The following DMD variants were observed in gnomAD, a reference collection of about 807,000 sequenced individuals.
The protein encoded by DMD is dystrophin.
DMD carries 63 observed loss-of-function variants against 330.1 expected under a neutral mutation model. The observed-to-expected ratio is 0.19, with a 90% CI of 0.16 to 0.24. The LOEUF is 0.24. Ranked by LOEUF, DMD falls within the 10% of genes least tolerant of loss-of-function variation. The pLI, the probability that DMD is intolerant of heterozygous loss-of-function variation, is 1.00. For synonymous variants in DMD, 1,223 were observed against 959.8 expected, an observed-to-expected ratio of 1.27 and a Z score of -5.07; for missense variants, 3,344 against 2,684.1, an observed-to-expected ratio of 1.25 and a Z score of -5.43.
rs769750574 is a variant in DMD at position 33,105,842 on chromosome X, C to T, written c.32-85642G>A. ...TGCTGGTGGAAGTGTAAATTAATACCTCTCTGGAAAACAGTATGGAGATTT... is the reference window on the plus strand; with the variant it reads ...TGCTGGTGGAAGTGTAAATTAATACTTCTCTGGAAAACAGTATGGAGATTT... On this transcript the variant is annotated intron_variant, in intron 1 of 78. Coordinates refer to ENST00000357033, the MANE Select transcript of DMD (RefSeq NM_004006.3). 3.6e-5 allele frequency among the ~76,000 whole-genome samples: 4 copies of T among 111,428 alleles called. No homozygotes were observed. The South Asian group carries it at 1.1e-3, about 31-fold the overall frequency.
At chrX:32,509,596 G>C (rs1380086070) in intron 18 of DMD, among the ~76,000 whole-genome samples, 1 of 111,725 alleles carries the variant, frequency 9.0e-6, no homozygotes, top group Non-Finnish European at 1.9e-5. Flanking sequence ...GCTCTTATCA[G>C]TCTCACCATT....
chrX:31,344,688 A>G (rs372914757), intron 61 of DMD, among the ~76,000 whole-genome samples: 1 of 110,628 alleles, frequency 9.0e-6, no homozygotes, highest in African/African-American at 3.3e-5. Context: ...GTCTCTACTA[A>G]AAATACAAAA....
intron 44 of DMD, among the ~76,000 whole-genome samples, chrX:32,103,679 G>A (rs751702293): frequency 1.8e-5 from 2 of 111,928 alleles, no homozygotes; most frequent in Non-Finnish European, 3.8e-5. Flanking sequence ...ATCAGACCAC[G>A]ACTCTTCCTG....
At chrX:31,849,482 C>T (rs1287952492) in intron 48 of DMD, among the ~76,000 whole-genome samples, 4 of 110,196 alleles carry the variant, frequency 3.6e-5, no homozygotes, top group Admixed American at 9.8e-5. Context: ...AGGGGATGGA[C>T]GGCAGAGAGA....
intron 9 of DMD, among the ~76,000 whole-genome samples, chrX:32,686,368 G>A (rs1451908084): frequency 3.6e-5 from 4 of 109,669 alleles, no homozygotes; most frequent in African/African-American, 1.3e-4. Context: ...GACCAGCCTG[G>A]CCAAAATGGG....
chrX:31,551,117 T>C (rs1005881568), intron 55 of DMD, among the ~76,000 whole-genome samples: 6 of 102,907 alleles, frequency 5.8e-5, no homozygotes, highest in African/African-American at 2.3e-4. Context: ...GAGGTGGAGG[T>C]TGCAGTGAGC....
At chrX:31,776,484 T>C (rs1314272521) in intron 50 of DMD, among the ~76,000 whole-genome samples, 1 of 106,678 alleles carries the variant, frequency 9.4e-6, no homozygotes, top group Non-Finnish European at 1.9e-5. Flanking sequence ...TTCAATAAAG[T>C]GAAGGATGAG....
intron 52 of DMD, among the ~76,000 whole-genome samples, chrX:31,719,871 T>C (rs1353749643): frequency 1.8e-5 from 2 of 111,524 alleles, no homozygotes; most frequent in East Asian, 5.6e-4. Context: ...TAACTCACTG[T>C]GAAAGTGAAT....
chrX:32,635,648 T>C (rs772669197), intron 11 of DMD, among the ~76,000 whole-genome samples: 32 of 112,108 alleles, frequency 2.9e-4, no homozygotes, highest in Non-Finnish European at 5.4e-4. Context: ...CATATGCACA[T>C]AGTTTTTTGT....
rs184514404 is a variant in DMD, at chrX:32,200,463, T to A, written c.6438+16453A>T. 6.5e-3 allele frequency among the ~76,000 whole-genome samples: 678 copies of A among 104,512 alleles called. 7 individuals carry two copies. The highest frequency in any genetic ancestry group is 0.023 in the African/African-American group (657 of 29,144). The allele number at this position is 104,512 out of a possible 115,157, so 90.8% of individuals were successfully genotyped here. A position where few individuals can be genotyped will look rare whatever the true frequency, so the allele number is the denominator to read the frequency against. ...GCAAGCACACATGTAACAATACATA[T>A]GTAACGTGTTATATATGTAACACGT... is the stretch of plus-strand genomic sequence containing the variant. On this transcript the variant is annotated intron_variant, in intron 44 of 78. Transcript: ENST00000357033.
chrX:32,719,024 C>T (rs2065998458), intron 7 of DMD, among the ~76,000 whole-genome samples: 1 of 111,553 alleles, frequency 9.0e-6, no homozygotes, highest in Non-Finnish European at 1.9e-5. Flanking sequence ...TAGTCTGATT[C>T]AATTACCTAC....
At chrX:32,362,029 C>T (rs963431910) in intron 37 of DMD, among the ~76,000 whole-genome samples, 4 of 111,494 alleles carry the variant, frequency 3.6e-5, no homozygotes, top group African/African-American at 1.3e-4. Flanking sequence ...TTTTTGCAAA[C>T]TACTTATTAA....
intron 1 of DMD, among the ~76,000 whole-genome samples, chrX:33,172,328 AGT>A (rs1468711879): frequency 8.9e-6 from 1 of 111,802 alleles, no homozygotes; most frequent in Non-Finnish European, 1.9e-5. Context: ...TACCATAATA[AGT>A]TTTTATTTAC....
At chrX:32,735,947 A>T (rs1257839323) in intron 7 of DMD, among the ~76,000 whole-genome samples, 1 of 111,949 alleles carries the variant, frequency 8.9e-6, no homozygotes, top group Non-Finnish European at 1.9e-5. Context: ...GCTTCTGCAC[A>T]ACAAAAGAAA....
intron 44 of DMD, among the ~76,000 whole-genome samples, chrX:32,164,667 A>G (rs2096861388): frequency 8.9e-6 from 1 of 111,834 alleles, no homozygotes; most frequent in Non-Finnish European, 1.9e-5. Context: ...ATATTTAACA[A>G]GGAGCCCAAT....
chrX:32,325,499 A>G (rs1024356519), intron 41 of DMD, among the ~76,000 whole-genome samples: 4 of 111,880 alleles, frequency 3.6e-5, no homozygotes, highest in Non-Finnish European at 7.5e-5. Flanking sequence ...GGCATGTACT[A>G]CTAATTGGCT....
chrX:32,866,723 T>G lies in DMD; in HGVS notation c.94-16903A>C, dbSNP rs867898203. On this transcript the variant is annotated intron_variant, in intron 2 of 78. Transcript: ENST00000357033. Reference sequence around the variant, plus strand: ...AATATATACATACACACACTTTTTTTTGGGGGGGGGTGGGGGGGTGGGGGG... The same window carrying G: ...AATATATACATACACACACTTTTTTGTGGGGGGGGGTGGGGGGGTGGGGGG... Among the ~76,000 whole-genome samples, 22 of 8,991 alleles carry G rather than the reference T, an allele frequency of 2.4e-3. No homozygotes were observed. In the South Asian group the frequency reaches 0.027, roughly 11 times the overall value. The allele number at this position is 8,991 out of a possible 115,157, so 7.8% of individuals were successfully genotyped here. A position where few individuals can be genotyped will look rare whatever the true frequency, so the allele number is the denominator to read the frequency against.
chrX:32,489,303 G>T (rs1339871742), intron 20 of DMD, among the ~76,000 whole-genome samples: 1 of 108,672 alleles, frequency 9.2e-6, no homozygotes, highest in Non-Finnish European at 1.9e-5. Flanking sequence ...CTTTTAAGAG[G>T]TAATGATGTT....
intron 5 of DMD, among the ~76,000 whole-genome samples, chrX:32,820,461 AT>A (rs961404072): frequency 6.3e-5 from 7 of 111,500 alleles, no homozygotes; most frequent in Admixed American, 9.5e-5. Flanking sequence ...AAATAAAAAA[AT>A]AATAATAAAT....
Sources: gnomAD v4.1 joint callset for allele counts (sites outside exome capture counted in the v4.1 genomes callset) on GRCh38, gnomAD v4.1.1 for gene constraint, MANE v1.5 for transcripts, NCBI Gene and HGNC (gene_info 2026-07-23, HGNC 2026-07-21) for gene names.